The following VKORC1L1 variants were observed in gnomAD, a reference collection of about 807,000 sequenced individuals.
VKORC1L1 encodes the protein vitamin K epoxide reductase complex subunit 1-like protein 1.
In VKORC1L1, 2 loss-of-function variants were observed where a neutral mutation model predicts 18.9. The observed-to-expected ratio is 0.11, with a 90% CI of 0.04 to 0.33. The LOEUF is 0.33. Ranked by LOEUF, VKORC1L1 falls within the 10% of genes least tolerant of loss-of-function variation. The probability of loss-of-function intolerance (pLI) is 1.00; values close to 1 mark genes in which losing one functional copy is unlikely to be tolerated. For missense variants in VKORC1L1, 123 were observed against 224.1 expected, an observed-to-expected ratio of 0.55 and a Z score of 2.88; for synonymous variants, 96 against 100.0, an observed-to-expected ratio of 0.96 and a Z score of 0.24.
intron 1 of VKORC1L1, among the ~76,000 whole-genome samples, chr7:65,921,920 T>G (rs1213508516): frequency 1.3e-5 from 2 of 152,100 alleles, no homozygotes; most frequent in Non-Finnish European, 2.9e-5. Flanking sequence ...ACTCCTGGCC[T>G]CGGGGATTCT....
chr7:65,900,466 A>G (rs1789296693), intron 1 of VKORC1L1, among the ~76,000 whole-genome samples: 1 of 152,180 alleles, frequency 6.6e-6, no homozygotes, highest in Non-Finnish European at 1.5e-5. Context: ...TAATACCTTA[A>G]GTGAATTAAC....
intron 1 of VKORC1L1, among the ~76,000 whole-genome samples, chr7:65,897,743 A>C (rs1789239989): frequency 1.3e-5 from 2 of 151,966 alleles, no homozygotes; most frequent in Admixed American, 6.6e-5. Context: ...TACACTGAGA[A>C]AATTCATCAA....
At chr7:65,948,899 A>G (rs2115737029) in intron 2 of VKORC1L1, 119 bp downstream of exon 2, 2 of 1,284,436 alleles carry the variant, frequency 1.6e-6, no homozygotes, top group Non-Finnish European at 2.1e-6. Context: ...AGCGTGTACA[A>G]CATTTTTGTG....
intron 1 of VKORC1L1, among the ~76,000 whole-genome samples, chr7:65,902,144 C>A (rs950497335): frequency 6.6e-6 from 1 of 151,972 alleles, no homozygotes; most frequent in African/African-American, 2.4e-5. Flanking sequence ...ACCAGGCATG[C>A]AAAGAACCAG....
chr7:65,911,831 T>G (rs912971106), intron 1 of VKORC1L1, among the ~76,000 whole-genome samples: 4 of 152,240 alleles, frequency 2.6e-5, no homozygotes, highest in African/African-American at 9.7e-5. Context: ...GTGGTTTTGC[T>G]CTGATAGGCA....
chr7:65,959,286 CAGAGGA>C lies in VKORC1L1; in HGVS notation c.*4990_*4995del, dbSNP rs1458679819. 6.6e-6 allele frequency: 1 copy of C among 152,166 alleles called. No homozygotes were observed. Among genetic ancestry groups the C allele is most frequent in the Non-Finnish European group, 1.5e-5 (1 of 68,052 alleles). The allele number at this position is 152,166 out of a possible 1,614,324, so 9.4% of individuals were successfully genotyped here. On this transcript the variant is annotated 3_prime_UTR_variant, in exon 3 of 3. Coordinates refer to ENST00000360768, the MANE Select transcript of VKORC1L1 (RefSeq NM_173517.6). ...CGCCACTGCACTGCAGCCTAGGCGA[CAGAGGA>C]AGACTCCAGCTCAAGAAAAAAAACA...
rs35431841 is a variant in VKORC1L1, at chr7:65,954,366, TTTATTATTA to T, written c.*84_*92del. ...CATTCAGTTTATTTTGCAGCAGGTT[TTTATTATTA>T]TTATTATTATTATTATTCACAACAG... is the stretch of plus-strand genomic sequence containing the variant. On this transcript the variant is annotated 3_prime_UTR_variant, in exon 3 of 3. Coordinates refer to ENST00000360768, the MANE Select transcript of VKORC1L1 (RefSeq NM_173517.6). 4.1e-6 allele frequency: 6 copies of T among 1,477,404 alleles called. No homozygotes were observed. Among genetic ancestry groups the T allele is most frequent in the East Asian group, 2.6e-5 (1 of 38,588 alleles). The allele number at this position is 1,477,404 out of a possible 1,614,324, so 91.5% of individuals were successfully genotyped here.
chr7:65,919,677 A>AT (rs1327196879), intron 1 of VKORC1L1, among the ~76,000 whole-genome samples: 1 of 152,186 alleles, frequency 6.6e-6, no homozygotes. Flanking sequence ...TGCTGGGATC[A>AT]TTGCAGTAGC....
At chr7:65,947,139 AAAAC>A (rs1204317730) in intron 1 of VKORC1L1, among the ~76,000 whole-genome samples, 2 of 150,826 alleles carry the variant, frequency 1.3e-5, no homozygotes, top group Non-Finnish European at 2.9e-5. Flanking sequence ...CTGTCTCAAA[AAAAC>A]AAAACAAAAC....
intron 1 of VKORC1L1, among the ~76,000 whole-genome samples, chr7:65,914,912 G>A (rs1193612504): frequency 6.6e-6 from 1 of 152,028 alleles, no homozygotes; most frequent in Non-Finnish European, 1.5e-5. Flanking sequence ...AAGCTGAGGT[G>A]AGAAACTCAC....
chr7:65,900,352 G>GCA (rs1789294289), intron 1 of VKORC1L1, among the ~76,000 whole-genome samples: 1 of 150,912 alleles, frequency 6.6e-6, no homozygotes, highest in African/African-American at 2.4e-5. Flanking sequence ...CTGAGATCAT[G>GCA]CCACTGCACT....
At chr7:65,924,689 C>T (rs1230043495) in intron 1 of VKORC1L1, among the ~76,000 whole-genome samples, 1 of 152,154 alleles carries the variant, frequency 6.6e-6, no homozygotes, top group African/African-American at 2.4e-5. Context: ...TTTGACAGTA[C>T]ACTTCATGGT....
At chr7:65,909,249 G>T (rs976247446) in intron 1 of VKORC1L1, among the ~76,000 whole-genome samples, 1 of 149,636 alleles carries the variant, frequency 6.7e-6, no homozygotes, top group African/African-American at 2.5e-5. Context: ...CTCCCAAATT[G>T]CTGGGATTGC....
chr7:65,892,739 G>C (rs1308359435), intron 1 of VKORC1L1, among the ~76,000 whole-genome samples: 2 of 152,094 alleles, frequency 1.3e-5, no homozygotes, highest in African/African-American at 4.8e-5. Context: ...TATTGAAAAG[G>C]CCATCTCCTC....
At chr7:65,904,204 T>G (rs1789367012) in intron 1 of VKORC1L1, among the ~76,000 whole-genome samples, 1 of 152,136 alleles carries the variant, frequency 6.6e-6, no homozygotes, top group Non-Finnish European at 1.5e-5. Context: ...ATAAGAAACC[T>G]TAGTCAGGTT....
At chr7:65,880,968 G>A (rs946610672) in intron 1 of VKORC1L1, among the ~76,000 whole-genome samples, 12 of 152,116 alleles carry the variant, frequency 7.9e-5, no homozygotes, top group Non-Finnish European at 1.3e-4. Context: ...GAGCATTTCC[G>A]TTGAGTGTCA....
At chr7:65,869,038 A>G (rs1788693979), upstream of VKORC1L1, among the ~76,000 whole-genome samples, 1 of 152,148 alleles carries the variant, frequency 6.6e-6, no homozygotes, top group Non-Finnish European at 1.5e-5. Context: ...TAAGTTGTCA[A>G]GTGTGGTGGC....
chr7:65,869,467 G>T (rs771717895), upstream of VKORC1L1, among the ~76,000 whole-genome samples: 52 of 152,062 alleles, frequency 3.4e-4, no homozygotes, highest in Non-Finnish European at 5.7e-4. Flanking sequence ...CATCCAAAAG[G>T]ATCATAAGAG....
In VKORC1L1 at chr7:65,897,473, C is replaced by T. The variant is rs187710832; in HGVS notation, c.194+23908C>T. Among the ~76,000 whole-genome samples, 9 of 152,164 alleles carry T rather than the reference C, an allele frequency of 5.9e-5. No homozygotes were observed. In the East Asian group the frequency reaches 1.5e-3, roughly 26 times the overall value. Reference sequence around the variant, plus strand: ...TTGTGTAGTATAGTATAGTTTAGATCAATTGTGATGTATTTACACAATGGG... The same window carrying T: ...TTGTGTAGTATAGTATAGTTTAGATTAATTGTGATGTATTTACACAATGGG... On this transcript the variant is annotated intron_variant, in intron 1 of 2. Coordinates refer to ENST00000360768, the MANE Select transcript of VKORC1L1 (RefSeq NM_173517.6).
Sources: gnomAD v4.1 joint callset for allele counts (sites outside exome capture counted in the v4.1 genomes callset) on GRCh38, gnomAD v4.1.1 for gene constraint, MANE v1.5 for transcripts, NCBI Gene and HGNC (gene_info 2026-07-23, HGNC 2026-07-21) for gene names.